CALN1: variants seen among roughly 807,000 people sequenced by gnomAD.
CALN1 encodes calneuron 1.
CALN1 carries 17 observed loss-of-function variants against 30.6 expected under a neutral mutation model. The ratio of observed to expected loss-of-function variants is 0.56; its 90% confidence interval spans 0.38 to 0.83. The LOEUF (loss-of-function observed/expected upper bound fraction) is 0.83, where lower values mean the gene tolerates loss of function less well. CALN1 is among the 40% of genes least tolerant of loss of function. CALN1 has a pLI of 0.00. For synonymous variants in CALN1, 156 were observed against 131.4 expected, an observed-to-expected ratio of 1.19 and a Z score of -1.28; for missense variants, 291 against 354.9, an observed-to-expected ratio of 0.82 and a Z score of 1.45.
intron 1 of CALN1, among the ~76,000 whole-genome samples, chr7:72,426,867 T>A (rs1286132018): frequency 6.6e-6 from 1 of 152,232 alleles, no homozygotes; most frequent in Non-Finnish European, 1.5e-5. Flanking sequence ...CGTGTGGCGA[T>A]GCTCATTGCC....
chr7:72,422,648 T>C (rs966379875), intron 1 of CALN1, among the ~76,000 whole-genome samples: 3 of 152,230 alleles, frequency 2.0e-5, no homozygotes, highest in African/African-American at 7.2e-5. Flanking sequence ...TTTATATAAA[T>C]TGTCATTTAC....
At chr7:71,994,813 A>G (rs1799160891) in intron 5 of CALN1, among the ~76,000 whole-genome samples, 1 of 151,220 alleles carries the variant, frequency 6.6e-6, no homozygotes, top group Admixed American at 6.6e-5. Flanking sequence ...CAGGTGTGCC[A>G]TCTGCATAGC....
At chr7:72,028,583 G>A (rs1241162769) in intron 4 of CALN1, among the ~76,000 whole-genome samples, 2 of 152,218 alleles carry the variant, frequency 1.3e-5, no homozygotes, top group African/African-American at 4.8e-5. Context: ...ACGTGACTTG[G>A]CAGAAGAGGT....
intron 5 of CALN1, among the ~76,000 whole-genome samples, chr7:71,969,236 GTAAC>G (rs1225737401): frequency 7.2e-5 from 11 of 152,090 alleles, no homozygotes. Context: ...TGTGAACCCT[GTAAC>G]TAATTAGTGT....
chr7:72,382,295 G>A (rs1456933644), intron 2 of CALN1, among the ~76,000 whole-genome samples: 1 of 152,112 alleles, frequency 6.6e-6, no homozygotes, highest in Non-Finnish European at 1.5e-5. Context: ...GATGATGAAC[G>A]ATGAGAAAGG....
At chr7:71,934,381 G>A (rs1417938122) in intron 5 of CALN1, among the ~76,000 whole-genome samples, 2 of 152,168 alleles carry the variant, frequency 1.3e-5, no homozygotes, top group African/African-American at 4.8e-5. Flanking sequence ...GAATACCTGA[G>A]GCTGGGTAAT....
At chr7:72,052,607 G>A (rs114018114) in intron 4 of CALN1, among the ~76,000 whole-genome samples, 1 of 152,300 alleles carries the variant, frequency 6.6e-6, no homozygotes, top group African/African-American at 2.4e-5. Flanking sequence ...TTTCTGGTCA[G>A]GTGAACATGA....
chr7:71,884,473 G>T (rs996830497), intron 5 of CALN1, among the ~76,000 whole-genome samples: 1 of 151,694 alleles, frequency 6.6e-6, no homozygotes, highest in Admixed American at 6.6e-5. Context: ...CCTGAGGCTG[G>T]GGGCGATGAT....
chr7:71,790,367 G>GAAAAGA lies in CALN1; in HGVS notation c.659-2471_659-2466dup, dbSNP rs1298545097. 1.5e-3 allele frequency among the ~76,000 whole-genome samples: 145 copies of GAAAAGA among 98,296 alleles called. 1 individual carries two copies. The highest frequency in any genetic ancestry group is 6.1e-3 in the African/African-American group (128 of 20,966). 64.5% of individuals were successfully genotyped at this position (98,296 alleles called of 152,430 possible). ...GAAAGAAAAGAAAGAAAGAAAGAAAGAAAAGAAAGAAAGAAAGAAAGAAAG... is the reference window on the plus strand; with the variant it reads ...GAAAGAAAAGAAAGAAAGAAAGAAAGAAAAGAAAAAGAAAGAAAGAAAGAAAGAAAG... On this transcript the variant is annotated intron_variant, in intron 6 of 6. Coordinates refer to ENST00000395275, the MANE Select transcript of CALN1 (RefSeq NM_031468.4).
chr7:71,863,287 G>A (rs1053752939), intron 5 of CALN1, among the ~76,000 whole-genome samples: 5 of 151,794 alleles, frequency 3.3e-5, no homozygotes. Flanking sequence ...GCCAGGCACA[G>A]TGGCTCACAT....
At chr7:72,008,412 TTTCA>T in intron 5 of CALN1, among the ~76,000 whole-genome samples, 1 of 151,632 alleles carries the variant, frequency 6.6e-6, no homozygotes, top group Non-Finnish European at 1.5e-5. Context: ...ATCTAAATTA[TTTCA>T]TTAATAAAAA....
chr7:72,240,451 T>G (rs1432724970), intron 3 of CALN1, among the ~76,000 whole-genome samples: 1 of 152,182 alleles, frequency 6.6e-6, no homozygotes, highest in Non-Finnish European at 1.5e-5. Context: ...AGCCTTGGCC[T>G]CCCAAAGCGC....
At chr7:72,397,584 G>A (rs761897686) in intron 2 of CALN1, among the ~76,000 whole-genome samples, 12 of 152,122 alleles carry the variant, frequency 7.9e-5, no homozygotes, top group Non-Finnish European at 1.8e-4. Flanking sequence ...GTCAGGAAAT[G>A]TGTTCCTCAA....
At chr7:72,199,480 G>T (rs1791266955) in intron 3 of CALN1, among the ~76,000 whole-genome samples, 1 of 152,098 alleles carries the variant, frequency 6.6e-6, no homozygotes, top group Non-Finnish European at 1.5e-5. Context: ...TGAGCCGGGG[G>T]GCATTGCTCG....
At chr7:71,909,284 C>T (rs1794304463) in intron 5 of CALN1, among the ~76,000 whole-genome samples, 1 of 152,218 alleles carries the variant, frequency 6.6e-6, no homozygotes, top group African/African-American at 2.4e-5. Context: ...CCACTGTGCC[C>T]AGCCTGTATG....
At chr7:71,910,603 G>A (rs1794376818) in intron 5 of CALN1, among the ~76,000 whole-genome samples, 2 of 152,106 alleles carry the variant, frequency 1.3e-5, no homozygotes, top group African/African-American at 2.4e-5. Context: ...AACTCACTGA[G>A]TCTAGAGATG....
intron 2 of CALN1, among the ~76,000 whole-genome samples, chr7:72,355,727 A>T (rs1254589632): frequency 1.3e-5 from 2 of 152,176 alleles, no homozygotes; most frequent in Non-Finnish European, 2.9e-5. Flanking sequence ...ATTCTAGAAC[A>T]GAAAAAAACA....
At chr7:72,361,674 C>T (rs1803577897) in intron 2 of CALN1, among the ~76,000 whole-genome samples, 1 of 152,176 alleles carries the variant, frequency 6.6e-6, no homozygotes, top group Non-Finnish European at 1.5e-5. Context: ...GGTTACCACA[C>T]TCTGGACTCA....
chr7:72,303,221 G>A (rs1202782642), intron 2 of CALN1, among the ~76,000 whole-genome samples: 1 of 152,186 alleles, frequency 6.6e-6, no homozygotes, highest in East Asian at 1.9e-4. Context: ...TTCTAACAAT[G>A]AGGTGAGAGC....
Sources: gnomAD v4.1 joint callset for allele counts (sites outside exome capture counted in the v4.1 genomes callset) on GRCh38, gnomAD v4.1.1 for gene constraint, MANE v1.5 for transcripts, NCBI Gene and HGNC (gene_info 2026-07-23, HGNC 2026-07-21) for gene names.